C1orf21: variants seen among roughly 807,000 people sequenced by gnomAD.
C1orf21 encodes uncharacterized protein C1orf21.
Under a neutral mutation model 18.7 loss-of-function variants are expected in C1orf21, and 3 were observed. That is an observed-to-expected ratio of 0.16 (90% CI 0.07 to 0.42). The LOEUF is 0.42. Among genes scored for constraint, C1orf21 ranks in the 10% least tolerant of loss-of-function variants. The pLI is 0.99. For synonymous variants in C1orf21, 41 were observed against 46.4 expected (o/e 0.88, Z 0.47); for missense variants, 104 against 143.6 (o/e 0.72, Z 1.41).
rs1659906176 is a variant in C1orf21, at chr1:184,620,928, T to C, written c.*1372T>C. ...TTTGACGAGGGTTCTCTTTGTTACT[T>C]TCAGGGGAGGGCATCCTATTAAATG... On this transcript the variant is annotated 3_prime_UTR_variant, in exon 6 of 6. Transcript: ENST00000235307. 6.6e-6 allele frequency: 1 copy of C among 152,634 alleles called. No homozygotes were observed. The highest frequency in any genetic ancestry group is 6.5e-5 in the Admixed American group (1 of 15,284). 9.5% of individuals were successfully genotyped at this position (152,634 alleles called of 1,614,324 possible). A position where few individuals can be genotyped will look rare whatever the true frequency, so the allele number is the denominator to read the frequency against.
intron 2 of C1orf21, among the ~76,000 whole-genome samples, chr1:184,486,566 G>T (rs1180372724): frequency 2.0e-5 from 3 of 152,112 alleles, no homozygotes; most frequent in Non-Finnish European, 4.4e-5. Flanking sequence ...CCCTCGGCCA[G>T]CACAAAATAG....
intron 3 of C1orf21, among the ~76,000 whole-genome samples, chr1:184,550,885 A>G (rs1658803000): frequency 6.6e-6 from 1 of 152,202 alleles, no homozygotes. Flanking sequence ...TTAAGCCATA[A>G]CTGGCTGTCT....
At chr1:184,593,153 C>T (rs1304760757) in intron 4 of C1orf21, among the ~76,000 whole-genome samples, 1 of 152,180 alleles carries the variant, frequency 6.6e-6, no homozygotes, top group Non-Finnish European at 1.5e-5. Flanking sequence ...GAGAATTTCT[C>T]TTTTCTGTTT....
intron 3 of C1orf21, among the ~76,000 whole-genome samples, chr1:184,557,625 CA>C (rs1658897514): frequency 6.6e-6 from 1 of 151,906 alleles, no homozygotes; most frequent in Non-Finnish European, 1.5e-5. Flanking sequence ...ATATACATAC[CA>C]CATTTTCTTT....
chr1:184,449,223 C>T (rs1013665748), intron 1 of C1orf21, among the ~76,000 whole-genome samples: 3 of 150,564 alleles, frequency 2.0e-5, no homozygotes, highest in Middle Eastern at 3.4e-3. Context: ...CAACAGGCCC[C>T]GGTGTGTGAT....
intron 1 of C1orf21, among the ~76,000 whole-genome samples, chr1:184,429,450 G>T (rs1411662430): frequency 1.3e-5 from 2 of 152,152 alleles, no homozygotes; most frequent in Non-Finnish European, 2.9e-5. Context: ...AAAATTCTGT[G>T]ATTGTATGAT....
At chr1:184,594,115 T>C (rs1659482394) in intron 4 of C1orf21, among the ~76,000 whole-genome samples, 1 of 152,186 alleles carries the variant, frequency 6.6e-6, no homozygotes, top group African/African-American at 2.4e-5. Context: ...TTTATTATAC[T>C]ACTTTAAAAA....
chr1:184,574,582 C>T (rs1659160798), intron 3 of C1orf21, among the ~76,000 whole-genome samples: 1 of 151,802 alleles, frequency 6.6e-6, no homozygotes, highest in Non-Finnish European at 1.5e-5. Flanking sequence ...TGTTCTTTAA[C>T]TTTTTTTTTC....
At chr1:184,418,930 A>T (rs1343882609) in intron 1 of C1orf21, among the ~76,000 whole-genome samples, 1 of 152,228 alleles carries the variant, frequency 6.6e-6, no homozygotes, top group Non-Finnish European at 1.5e-5. Context: ...ATGTTTTGTT[A>T]TAAAAGTACA....
chr1:184,615,858 T>TA (rs1468406444), intron 5 of C1orf21, among the ~76,000 whole-genome samples: 1 of 152,240 alleles, frequency 6.6e-6, no homozygotes, highest in Admixed American at 6.5e-5. Flanking sequence ...GGTATTTTGA[T>TA]ACATGCATAC....
At chr1:184,436,949 G>A (rs150078997) in intron 1 of C1orf21, among the ~76,000 whole-genome samples, 1 of 152,094 alleles carries the variant, frequency 6.6e-6, no homozygotes, top group Admixed American at 6.5e-5. Context: ...GGGTTGGGGG[G>A]TACTTTTGAA....
chr1:184,388,368 G>T (rs1571335626), intron 1 of C1orf21, among the ~76,000 whole-genome samples: 2 of 152,338 alleles, frequency 1.3e-5, no homozygotes, highest in East Asian at 3.9e-4. Flanking sequence ...GTTTGAGAGA[G>T]AAATAATTTG....
intron 1 of C1orf21, among the ~76,000 whole-genome samples, chr1:184,435,471 G>A (rs1656843178): frequency 6.6e-6 from 1 of 152,188 alleles, no homozygotes; most frequent in South Asian, 2.1e-4. Flanking sequence ...AGCCTCCCGA[G>A]TAGCTGGGAT....
intron 1 of C1orf21, among the ~76,000 whole-genome samples, chr1:184,444,850 A>G (rs986816622): frequency 6.6e-6 from 1 of 152,174 alleles, no homozygotes; most frequent in African/African-American, 2.4e-5. Context: ...GTACAGAGGT[A>G]CATGGTCTTC....
chr1:184,399,356 A>ATTTTTTTTTTT (rs59376994), intron 1 of C1orf21, among the ~76,000 whole-genome samples: 1 of 79,080 alleles, frequency 1.3e-5, no homozygotes, highest in Non-Finnish European at 2.6e-5. Flanking sequence ...ATGTACTTCT[A>ATTTTTTTTTTT]TTTTTTTTTT....
intron 3 of C1orf21, among the ~76,000 whole-genome samples, chr1:184,537,482 T>C (rs1349166147): frequency 6.6e-6 from 1 of 152,226 alleles, no homozygotes; most frequent in African/African-American, 2.4e-5. Context: ...CTTTAGCTTC[T>C]CCTTTTTAAG....
chr1:184,562,383 C>T (rs1036257514), intron 3 of C1orf21, among the ~76,000 whole-genome samples: 2 of 152,168 alleles, frequency 1.3e-5, no homozygotes, highest in South Asian at 4.1e-4. Flanking sequence ...AGGAATGTTC[C>T]CATAAACTTG....
At chr1:184,504,066 C>T (rs1658015892) in intron 2 of C1orf21, among the ~76,000 whole-genome samples, 1 of 152,120 alleles carries the variant, frequency 6.6e-6, no homozygotes, top group African/African-American at 2.4e-5. Flanking sequence ...ACTGAACAAT[C>T]CCAGCCCCAC....
chr1:184,559,616 T>TTCCTTCCTCTCTCTTTCTTC (rs1558002770), intron 3 of C1orf21, among the ~76,000 whole-genome samples: 2 of 127,742 alleles, frequency 1.6e-5, no homozygotes, highest in Admixed American at 8.0e-5. Context: ...CCTTCCTCCC[T>TTCCTTCCTCTCTCTTTCTTC]CCCTCCCTCC....
Sources: allele counts gnomAD v4.1 joint callset (sites outside exome capture counted in the v4.1 genomes callset), GRCh38; gene constraint gnomAD v4.1.1; transcripts MANE v1.5; gene names NCBI Gene and HGNC (gene_info 2026-07-23, HGNC 2026-07-21).